KANTR: variants seen among roughly 807,000 people sequenced by gnomAD.
KANTR encodes the protein KANTR integral membrane protein.
chrX:53,108,524 T>C (rs1219906346), intron 2 of KANTR, among the ~76,000 whole-genome samples: 1 of 112,085 alleles, frequency 8.9e-6, no homozygotes, highest in Non-Finnish European at 1.9e-5. Flanking sequence ...TTTTTGATTG[T>C]TCATTGCTAG....
chrX:53,147,649 A>G (rs1933595227), downstream of KANTR, among the ~76,000 whole-genome samples: 1 of 111,565 alleles, frequency 9.0e-6, no homozygotes, highest in Non-Finnish European at 1.9e-5. Flanking sequence ...TCCACCCCAA[A>G]TCAACAGAAT....
At chrX:53,122,861 A>C (rs1556815696) in intron 2 of KANTR, among the ~76,000 whole-genome samples, 1 of 111,479 alleles carries the variant, frequency 9.0e-6, no homozygotes, top group Admixed American at 9.6e-5. Context: ...AACTGTGTCC[A>C]TGAGTAAAAT....
chrX:53,131,480 A>G (rs1556817040), downstream of KANTR, among the ~76,000 whole-genome samples: 2 of 112,478 alleles, frequency 1.8e-5, no homozygotes, highest in South Asian at 7.3e-4. Context: ...TCAATCATGC[A>G]GTTCAACATA....
At chrX:53,102,488 T>C (rs782131464) in intron 2 of KANTR, among the ~76,000 whole-genome samples, 1 of 112,350 alleles carries the variant, frequency 8.9e-6, no homozygotes, top group African/African-American at 3.2e-5. Flanking sequence ...ATTCAAGTTA[T>C]GTAATTTTGG....
intron 1 of KANTR, 75 bp from the exon 2 acceptor site, chrX:53,099,397 A>G (rs1932871631): frequency 9.0e-6 from 1 of 111,348 alleles, no homozygotes; most frequent in Admixed American, 9.6e-5. Flanking sequence ...TGATCATGAG[A>G]TGGCAGCAAT....
intron 2 of KANTR, among the ~76,000 whole-genome samples, chrX:53,101,763 C>T (rs1448735162): frequency 4.5e-5 from 5 of 111,530 alleles, no homozygotes; most frequent in Admixed American, 9.5e-5. Flanking sequence ...TTTGGGAGGC[C>T]GAGGTGGGTG....
chrX:53,142,992 G>A, downstream of KANTR: 1 of 1,099,563 alleles, frequency 9.1e-7, no homozygotes, highest in Admixed American at 2.2e-5. Context: ...CCAGCGTGGT[G>A]ATGCCAGGGC....
At chrX:53,144,380 C>T (rs782622415), downstream of KANTR, among the ~76,000 whole-genome samples, 1 of 111,495 alleles carries the variant, frequency 9.0e-6, no homozygotes, top group South Asian at 3.8e-4. Flanking sequence ...GGCAGTAGAA[C>T]CAGACCCTGT....
At position 53,112,156 on chromosome X, in the gene KANTR, T is replaced by C. The variant is rs192410342; in HGVS notation, c.-804-11313T>C. 6.5e-5 allele frequency among the ~76,000 whole-genome samples: 7 copies of C among 107,703 alleles called. No homozygotes were observed. The East Asian group carries it at 1.3e-3, about 19-fold the overall frequency. 93.5% of individuals were successfully genotyped at this position (107,703 alleles called of 115,157 possible). A position where few individuals can be genotyped will look rare whatever the true frequency, so the allele number is the denominator to read the frequency against. On this transcript the variant is annotated intron_variant, in intron 2 of 2. Transcript: ENST00000604062. ...CGTTCCCCCAAGTCCCCAAAGTCCATTGTGTCATTCTTATTGCCTTTGCAT... is the reference window on the plus strand; with the variant it reads ...CGTTCCCCCAAGTCCCCAAAGTCCACTGTGTCATTCTTATTGCCTTTGCAT...
At chrX:53,134,479 C>CT (rs1933397607) in intron 2 of KANTR, among the ~76,000 whole-genome samples, 1 of 111,789 alleles carries the variant, frequency 8.9e-6, no homozygotes, top group African/African-American at 3.3e-5. Flanking sequence ...TTCTCAAACT[C>CT]TATAATGTTC....
downstream of KANTR, among the ~76,000 whole-genome samples, chrX:53,147,045 A>G (rs1933586602): frequency 8.9e-6 from 1 of 112,179 alleles, no homozygotes; most frequent in Non-Finnish European, 1.9e-5. Flanking sequence ...GAGGCTAGGA[A>G]GAACCTGCAT....
At chrX:53,145,150 G>A (rs1933556696), downstream of KANTR, among the ~76,000 whole-genome samples, 1 of 111,397 alleles carries the variant, frequency 9.0e-6, no homozygotes, top group African/African-American at 3.3e-5. Context: ...GTGTCTGACA[G>A]TGGGTGCAGG....
chrX:53,146,875 G>T (rs1312607562), downstream of KANTR, among the ~76,000 whole-genome samples: 9 of 111,404 alleles, frequency 8.1e-5, 1 homozygote, highest in African/African-American at 2.6e-4. Context: ...CTAAGCTTCA[G>T]AAGTGAAGGA....
chrX:53,100,480 CA>C (rs1279909045), intron 2 of KANTR, among the ~76,000 whole-genome samples: 40 of 85,805 alleles, frequency 4.7e-4, no homozygotes, highest in Admixed American at 9.3e-4. Flanking sequence ...AACTCCGTCT[CA>C]AAAAAAAAAA....
intron 1 of KANTR, among the ~76,000 whole-genome samples, chrX:53,097,255 A>G (rs782767534): frequency 9.0e-6 from 1 of 110,527 alleles, no homozygotes; most frequent in East Asian, 2.8e-4. Flanking sequence ...TTACCGGGAA[A>G]CTGGGTGGTG....
intron 2 of KANTR, among the ~76,000 whole-genome samples, chrX:53,113,982 T>G (rs1933084731): frequency 9.0e-6 from 1 of 110,965 alleles, no homozygotes; most frequent in African/African-American, 3.3e-5. Flanking sequence ...CACTGCAACC[T>G]CTGCCTCCCA....
chrX:53,111,594 C>T (rs1933041785), intron 2 of KANTR, among the ~76,000 whole-genome samples: 1 of 111,841 alleles, frequency 8.9e-6, no homozygotes, highest in Non-Finnish European at 1.9e-5. Flanking sequence ...CTTACTTTTA[C>T]CAGTGAGTTT....
At chrX:53,099,265 C>G (rs1602111541) in intron 1 of KANTR, among the ~76,000 whole-genome samples, 1 of 111,111 alleles carries the variant, frequency 9.0e-6, no homozygotes, top group Non-Finnish European at 1.9e-5. Flanking sequence ...CCCAGCTATT[C>G]AGGAGACTGA....
At chrX:53,132,516 C>G (rs1933371797) in intron 2 of KANTR, among the ~76,000 whole-genome samples, 1 of 112,281 alleles carries the variant, frequency 8.9e-6, no homozygotes, top group South Asian at 3.6e-4. Context: ...TGAGATTTTA[C>G]TTTAGGTTTC....
Sources: gnomAD v4.1 joint callset for allele counts (sites outside exome capture counted in the v4.1 genomes callset) on GRCh38, gnomAD v4.1.1 for gene constraint, MANE v1.5 for transcripts, NCBI Gene and HGNC (gene_info 2026-07-23, HGNC 2026-07-21) for gene names.